OPCML: variants seen among roughly 807,000 people sequenced by gnomAD.
OPCML encodes the protein opioid-binding protein/cell adhesion molecule.
A neutral mutation model predicts 37.8 loss-of-function variants in OPCML; 13 were observed. The observed-to-expected ratio is 0.34, with a 90% confidence interval of 0.22 to 0.55. The LOEUF is 0.55. Among genes scored for constraint, OPCML ranks in the 20% least tolerant of loss-of-function variants. OPCML has a pLI of 0.91. For missense variants in OPCML, 341 were observed against 435.6 expected, an observed-to-expected ratio of 0.78 and a Z score of 1.93; for synonymous variants, 176 against 168.8, an observed-to-expected ratio of 1.04 and a Z score of -0.33.
At chr11:132,668,837 A>G (rs1484190916) in intron 2 of OPCML, among the ~76,000 whole-genome samples, 1 of 152,166 alleles carries the variant, frequency 6.6e-6, no homozygotes, top group African/African-American at 2.4e-5. Flanking sequence ...ACTTCTAGTA[A>G]CATTTTCTGT....
intron 2 of OPCML, among the ~76,000 whole-genome samples, chr11:132,716,412 G>GTCTGTCTA (rs1555178601): frequency 8.7e-5 from 9 of 103,968 alleles, no homozygotes; most frequent in Admixed American, 1.7e-4. Context: ...CTATCTGTCT[G>GTCTGTCTA]TCTATCTATC....
intron 1 of OPCML, among the ~76,000 whole-genome samples, chr11:133,094,031 C>A (rs908717341): frequency 6.6e-6 from 1 of 151,952 alleles, no homozygotes; most frequent in African/African-American, 2.4e-5. Context: ...AAAATCAGGT[C>A]CCCTCGTGTG....
At chr11:132,420,363 C>A (rs988155158) in intron 7 of OPCML, 70 bp from the exon 8 acceptor site, 28 of 1,581,874 alleles carry the variant, frequency 1.8e-5, no homozygotes, top group African/African-American at 1.6e-4. Flanking sequence ...CCCTGACAAG[C>A]AAATACACAT....
At chr11:133,415,680 T>A (rs896072889) in intron 1 of OPCML, among the ~76,000 whole-genome samples, 33 of 152,196 alleles carry the variant, frequency 2.2e-4, no homozygotes, top group African/African-American at 8.0e-4. Flanking sequence ...ACTTTGCAGC[T>A]GTGATTAGGA....
At chr11:132,446,103 CTTTTTTTTTTTTTT>C (rs58784534) in intron 4 of OPCML, among the ~76,000 whole-genome samples, 4 of 48,504 alleles carry the variant, frequency 8.2e-5, no homozygotes, top group Admixed American at 2.6e-4. Context: ...CTGCTTGTGT[CTTTTTTTTTTTTTT>C]TTTTTTTTTT....
intron 1 of OPCML, among the ~76,000 whole-genome samples, chr11:133,455,828 C>T (rs1565643127): frequency 6.6e-6 from 1 of 152,154 alleles, no homozygotes; most frequent in Non-Finnish European, 1.5e-5. Flanking sequence ...TGAATTCCCA[C>T]TGAAAAAAAG....
At chr11:133,447,527 T>C (rs1774305769) in intron 1 of OPCML, among the ~76,000 whole-genome samples, 2 of 152,234 alleles carry the variant, frequency 1.3e-5, no homozygotes, top group South Asian at 4.1e-4. Flanking sequence ...TTCTCTCCCT[T>C]CTCCCCCAAT....
chr11:133,502,831 T>C (rs1426125198), intron 1 of OPCML, among the ~76,000 whole-genome samples: 2 of 152,274 alleles, frequency 1.3e-5, no homozygotes, highest in East Asian at 3.9e-4. Context: ...ATGGCAACAC[T>C]TGAGCCCCTC....
intron 2 of OPCML, among the ~76,000 whole-genome samples, chr11:132,709,846 G>A (rs1001863320): frequency 9.2e-5 from 14 of 152,144 alleles, no homozygotes; most frequent in African/African-American, 2.7e-4. Flanking sequence ...AAGACCGTGC[G>A]AATATCCTGC....
chr11:133,256,239 G>C (rs1941309543), intron 1 of OPCML, among the ~76,000 whole-genome samples: 1 of 152,168 alleles, frequency 6.6e-6, no homozygotes, highest in African/African-American at 2.4e-5. Flanking sequence ...GAACCCAACT[G>C]TTTGGAGTTC....
At chr11:133,401,565 A>G (rs1040261785) in intron 1 of OPCML, among the ~76,000 whole-genome samples, 1 of 152,110 alleles carries the variant, frequency 6.6e-6, no homozygotes, top group African/African-American at 2.4e-5. Context: ...TCTAAATGCT[A>G]TGTTGATATT....
chr11:133,105,937 G>A (rs745880470), intron 1 of OPCML, among the ~76,000 whole-genome samples: 3 of 151,848 alleles, frequency 2.0e-5, no homozygotes, highest in Admixed American at 6.6e-5. Flanking sequence ...AGCCAAGATC[G>A]TGCCACTGCA....
chr11:133,019,401 A>C (rs1372373831), intron 1 of OPCML, among the ~76,000 whole-genome samples: 1 of 152,130 alleles, frequency 6.6e-6, no homozygotes, highest in Non-Finnish European at 1.5e-5. Context: ...AGCAGAGAGA[A>C]GTGAGGTCAG....
chr11:132,496,571 A>G (rs181548698), intron 4 of OPCML, among the ~76,000 whole-genome samples: 274 of 152,364 alleles, frequency 1.8e-3, no homozygotes, highest in African/African-American at 5.8e-3. Context: ...ATGCATGCCC[A>G]CTTCCTGGCT....
At chr11:133,506,605 A>T (rs2120583694) in intron 1 of OPCML, among the ~76,000 whole-genome samples, 1 of 152,328 alleles carries the variant, frequency 6.6e-6, no homozygotes, top group South Asian at 2.1e-4. Context: ...TGAGACAAGG[A>T]TCCTGGGAGA....
At chr11:133,497,963 C>T (rs1226134045) in intron 1 of OPCML, among the ~76,000 whole-genome samples, 1 of 152,222 alleles carries the variant, frequency 6.6e-6, no homozygotes, top group Non-Finnish European at 1.5e-5. Context: ...ACCAGGGCAC[C>T]AGGGTCAGAA....
intron 2 of OPCML, among the ~76,000 whole-genome samples, chr11:132,721,631 G>A (rs1336391534): frequency 6.6e-6 from 1 of 152,148 alleles, no homozygotes; most frequent in Non-Finnish European, 1.5e-5. Flanking sequence ...GAGGAAGAAG[G>A]ATAAATGCAC....
intron 1 of OPCML, among the ~76,000 whole-genome samples, chr11:133,120,026 G>C (rs951116270): frequency 5.9e-5 from 9 of 152,100 alleles, no homozygotes. Context: ...CTTTGGGCCT[G>C]ATCTGGAAGC....
Position 133,242,451 on chromosome 11 carries a change from A to G in OPCML, c.61+289813T>C, listed in dbSNP as rs554727329. On this transcript the variant is annotated intron_variant, in intron 1 of 7. Transcript: ENST00000524381. ...ATTTTCTCACACTTCCAGAGGTAGG[A>G]GTCTGAGATCCAGGTATCCATGGGG... 1.3e-4 allele frequency among the ~76,000 whole-genome samples: 20 copies of G among 152,218 alleles called. No homozygotes were observed. The South Asian group carries it at 3.5e-3, about 27-fold the overall frequency.
Sources: allele counts gnomAD v4.1 joint callset (sites outside exome capture counted in the v4.1 genomes callset), GRCh38; gene constraint gnomAD v4.1.1; transcripts MANE v1.5; gene names NCBI Gene and HGNC (gene_info 2026-07-23, HGNC 2026-07-21).